Variants in PRG4 observed in about 807,000 individuals in gnomAD.
The protein encoded by PRG4 is proteoglycan 4.
Under a neutral mutation model 91.2 loss-of-function variants are expected in PRG4, and 61 were observed. The ratio of observed to expected loss-of-function variants is 0.67; its 90% confidence interval spans 0.54 to 0.83. The LOEUF (loss-of-function observed/expected upper bound fraction) is 0.83. Ranked by LOEUF, PRG4 falls within the 40% of genes least tolerant of loss-of-function variation. The pLI, the probability that PRG4 is intolerant of heterozygous loss-of-function variation, is 0.00. For missense variants in PRG4, 1,564 were observed against 1,714.2 expected (o/e 0.91, Z 1.55); for synonymous variants, 576 against 614.2 (o/e 0.94, Z 0.92).
Position 186,312,200 on chromosome 1 carries a change from T to C in PRG4, c.3819T>C (p.Tyr1273=), listed in dbSNP as rs1657304800. The part of the protein sequence containing the change: ...KRGGSIQQYI[Y]KQEPVQKCPG... ...GTGGCAGCATTCAGCAGTATATTTA[T>C]AAACAGGAACCTGTACAGAAGTGCC... Residue 1273 remains tyrosine (Y), a synonymous_variant, in exon 11 of 13, where the codon TAT becomes TAC. Transcript: ENST00000445192. 2 of 1,614,006 alleles carry C rather than the reference T, an allele frequency of 1.2e-6. No individual in the cohort carries two copies. The highest frequency in any genetic ancestry group is 1.7e-6 in the Non-Finnish European group (2 of 1,179,922).
At chr1:186,310,908 C>A in intron 8 of PRG4, 126 bp from the exon 9 acceptor site, 2 of 1,040,268 alleles carry the variant, frequency 1.9e-6, no homozygotes, top group South Asian at 1.4e-5. Flanking sequence ...CAAATACTAC[C>A]TTTTGTATCT....
Position 186,311,329 on chromosome 1 carries a change from A to G in PRG4, c.3637-111A>G. The G allele has an allele frequency of 2.1e-6, 3 of 1,435,864 alleles. 1 individual carries two copies. The South Asian group carries it at 3.5e-5, about 17-fold the overall frequency. 88.9% of individuals were successfully genotyped at this position (1,435,864 alleles called of 1,614,324 possible). A position where few individuals can be genotyped will look rare whatever the true frequency, so the allele number is the denominator to read the frequency against. On this transcript the variant is annotated intron_variant, in intron 9 of 12. Coordinates refer to ENST00000445192, the MANE Select transcript of PRG4 (RefSeq NM_005807.6). ...CAGTTTGATAACAGTAATGGTCAAA[A>G]TTCAACCGTTTAACCAAGTTAACAC...
Position 186,308,558 on chromosome 1 carries a change from A to G in PRG4, c.2839A>G (p.Lys947Glu), listed in dbSNP as rs199605402. ...AAAAGAGACAGCAACTACAACAGAA[A>G]AAACTACCGAATCCAAAATAACAGC... The part of the protein sequence containing the change: ...MTKETATTTE[K>E]TTESKITATT... Residue 947 changes from lysine to glutamate, a missense_variant, in exon 7 of 13, where the codon AAA becomes GAA. Physicochemically the swap from Lys to Glu is moderately conservative, Grantham distance 56 (BLOSUM62 1). Around this residue, in one of 3 missense-constraint regions of PRG4, gnomAD observed 1,079 missense variants for 1,162.2 expected, o/e 0.93. Coordinates refer to ENST00000445192, the MANE Select transcript of PRG4 (RefSeq NM_005807.6). The G allele has an allele frequency of 6.4e-5, 104 of 1,613,684 alleles. 3 individuals carry two copies. In the African/African-American group the frequency reaches 9.2e-4, roughly 14 times the overall value.
Position 186,304,808 on chromosome 1 carries a change from GA to G in PRG4, c.488del (p.Asn163IlefsTer38). 1 of 1,611,936 alleles carries G rather than the reference GA, an allele frequency of 6.2e-7. No individual in the cohort carries two copies. Among genetic ancestry groups the G allele is most frequent in the Non-Finnish European group, 8.5e-7 (1 of 1,178,292 alleles). ...EEITEEHSVS[E>X]NQESSSSSSS... ...TTGATTTATAGAACATTCTGTTTCT[GA>G]AAATCAAGAGTCCTCCTCCTCCTCC... On this transcript the variant is annotated frameshift_variant, in exon 6 of 13. Transcript: ENST00000445192. LOFTEE classifies it high-confidence loss of function.
rs745437002 is a variant in PRG4, at chr1:186,301,686, C to T, written c.294C>T (p.Pro98=). The T allele has an allele frequency of 9.8e-5, 158 of 1,613,490 alleles. 2 individuals are homozygous for T. The East Asian group carries it at 3.3e-3, about 33-fold the overall frequency. ...GTAAGAAGTATGACAAGTGCTGTCC[C>T]GATTATGAGAGTTTCTGTGCAGAAG... ...AQCKKYDKCC[P]DYESFCAEVH... The change falls in exon 4 of 13, where the codon CCC becomes CCT. Residue 98 remains proline (P), a synonymous_variant. Coordinates refer to ENST00000445192, the MANE Select transcript of PRG4 (RefSeq NM_005807.6).
intron 2 of PRG4, 23 bp from the exon 3 acceptor site, chr1:186,300,068 A>C: frequency 6.2e-7 from 1 of 1,613,736 alleles, no homozygotes; most frequent in Non-Finnish European, 8.5e-7. Context: ...GGCCATATTT[A>C]CGCCAGTATT....
In PRG4 at chr1:186,306,673, T is replaced by C; in HGVS notation, c.954T>C (p.Ala318=). Residue 318 remains alanine, a synonymous_variant, in exon 7 of 13, where the codon GCT becomes GCC. Coordinates refer to ENST00000445192, the MANE Select transcript of PRG4 (RefSeq NM_005807.6). ...KETQSIEKTS[A]KDLAPTSKVL... ...CACAAAGTATAGAGAAAACATCTGC[T>C]AAAGATTTAGCACCCACATCTAAAG... The C allele has an allele frequency of 6.2e-7, 1 of 1,613,696 alleles. No homozygotes were observed. Among genetic ancestry groups the C allele is most frequent in the South Asian group, 1.1e-5 (1 of 91,088 alleles).
chr1:186,304,185 A>G lies in PRG4; in HGVS notation c.397A>G (p.Thr133Ala). ...AGCATCTCAAACCATCAAATCAACA[A>G]CCAAACGTTCACCCAAACCACCAAA... ...SGASQTIKSTTKRSPKPPNKK... is the reference protein window; with the variant it reads ...SGASQTIKSTAKRSPKPPNKK... Residue 133 changes from threonine (T) to alanine (A), a missense_variant, in exon 5 of 13, where the codon ACC becomes GCC. Around this residue, in one of 3 missense-constraint regions of PRG4, gnomAD observed 437 missense variants for 459.0 expected, o/e 0.95. Transcript: ENST00000445192. 1 of 1,613,788 alleles carries G rather than the reference A, an allele frequency of 6.2e-7. No individual in the cohort carries two copies. The highest frequency in any genetic ancestry group is 8.5e-7 in the Non-Finnish European group (1 of 1,179,662).
At chr1:186,298,882 T>C (rs1388679842) in intron 2 of PRG4, among the ~76,000 whole-genome samples, 6 of 152,004 alleles carry the variant, frequency 3.9e-5, no homozygotes, top group African/African-American at 1.4e-4. Context: ...ATATATAATA[T>C]ATGTATTTAT....
chr1:186,309,086 GATT>G lies in PRG4; in HGVS notation c.3369_3371del (p.Tyr1124del). ...CATGCCTGAAGTTACTCCCGACATG[GATT>G]ACTTACCGAGAGTACCCAATCAAGG... On this transcript the variant is annotated inframe_deletion, in exon 7 of 13. Coordinates refer to ENST00000445192, the MANE Select transcript of PRG4 (RefSeq NM_005807.6). 6.2e-7 allele frequency: 1 copy of G among 1,613,920 alleles called. No individual in the cohort carries two copies. Among genetic ancestry groups the G allele is most frequent in the Non-Finnish European group, 8.5e-7 (1 of 1,179,934 alleles).
At chr1:186,309,971 G>A in intron 8 of PRG4, 101 bp downstream of exon 8, 1 of 940,934 alleles carries the variant, frequency 1.1e-6, no homozygotes, top group Non-Finnish European at 1.7e-6. Context: ...TTTTCTGGAG[G>A]GGAATCTGAT....
At position 186,307,718 on chromosome 1, in the gene PRG4, A is replaced by C; in HGVS notation, c.1999A>C (p.Thr667Pro). 1 of 1,603,444 alleles carries C rather than the reference A, an allele frequency of 6.2e-7. No homozygotes were observed. The highest frequency in any genetic ancestry group is 8.5e-7 in the Non-Finnish European group (1 of 1,177,910). ...TPTTPEEPAP[T>P]TPKAAAPNTP... is the part of the protein sequence containing the mutation. ...CACCACCCCTGAGGAGCCTGCTCCCACCACTCCCAAGGCAGCGGCTCCCAA... is the reference window on the plus strand; with the variant it reads ...CACCACCCCTGAGGAGCCTGCTCCCCCCACTCCCAAGGCAGCGGCTCCCAA... The change falls in exon 7 of 13, where the codon ACC becomes CCC. Residue 667 changes from threonine to proline, a missense_variant. Thr to Pro is a conservative substitution (Grantham distance 38). Coordinates refer to ENST00000445192, the MANE Select transcript of PRG4 (RefSeq NM_005807.6).
In PRG4 at chr1:186,301,300, G is replaced by A. The variant is rs75252624; in HGVS notation, c.200-292G>A. Among the ~76,000 whole-genome samples the A allele has an allele frequency of 7.0e-3, 1,065 of 152,252 alleles. 22 individuals are homozygous for A. The highest frequency in any genetic ancestry group is 0.025 in the African/African-American group (1,026 of 41,534). ...CTATCTCACTATCTAGACATTTCCC[G>A]ATTTTTCTTTGTCCATACATGTAAA... On this transcript the variant is annotated intron_variant, in intron 3 of 12. Transcript: ENST00000445192.
At chr1:186,311,713 T>TCA in intron 10 of PRG4, 117 bp downstream of exon 10, 2 of 1,157,056 alleles carry the variant, frequency 1.7e-6, no homozygotes, top group Non-Finnish European at 2.5e-6. Context: ...TCAAATATTT[T>TCA]CAGTGAAAAA....
Position 186,306,327 on chromosome 1 carries a change from A to G in PRG4, c.608A>G (p.Asn203Ser), listed in dbSNP as rs1656554712. 2.5e-6 allele frequency: 4 copies of G among 1,586,254 alleles called. No individual in the cohort carries two copies. Among genetic ancestry groups the G allele is most frequent in the Non-Finnish European group, 3.4e-6 (4 of 1,169,766 alleles). ...ELQKKLKVKDNKKNRTKKKPT... is the reference protein window; with the variant it reads ...ELQKKLKVKDSKKNRTKKKPT... ...TATATTTTTTCTCCAGTAAAAGATAACAAGAAGAACAGAACTAAAAAGAAA... is the reference window on the plus strand; with the variant it reads ...TATATTTTTTCTCCAGTAAAAGATAGCAAGAAGAACAGAACTAAAAAGAAA... The change falls in exon 7 of 13, where the codon AAC becomes AGC. Residue 203 changes from asparagine to serine, a missense_variant. Around this residue, in one of 3 missense-constraint regions of PRG4, gnomAD observed 437 missense variants for 459.0 expected, o/e 0.95. Transcript: ENST00000445192.
At position 186,313,723 on chromosome 1, in the gene PRG4, C is replaced by T. The variant is rs1180439087; in HGVS notation, c.4160C>T (p.Ala1387Val). 1 of 1,609,924 alleles carries T rather than the reference C, an allele frequency of 6.2e-7. No homozygotes were observed. The highest frequency in any genetic ancestry group is 8.5e-7 in the Non-Finnish European group (1 of 1,176,488). ...GATGTGCCTAGTAGAACAGCAAGAGCAATTACTACTCGTTCTGGGCAGACC... is the reference window on the plus strand; with the variant it reads ...GATGTGCCTAGTAGAACAGCAAGAGTAATTACTACTCGTTCTGGGCAGACC... ...NIDVPSRTAR[A>V]ITTRSGQTLS... is the part of the protein sequence containing the mutation. Residue 1387 changes from alanine (A) to valine (V), a missense_variant, in exon 13 of 13, where the codon GCA (alanine) becomes GTA (valine). By Grantham distance (64) the Ala-to-Val change is moderately conservative. Transcript: ENST00000445192.
rs148772009 is a variant in PRG4, at chr1:186,305,440, A to G, written c.598+518A>G. Among the ~76,000 whole-genome samples, 40 of 152,292 alleles carry G rather than the reference A, an allele frequency of 2.6e-4. No individual in the cohort carries two copies. The East Asian group carries it at 7.7e-3, about 29-fold the overall frequency. ...ATATCTGGCTGACTTTTCCTCTAGTAGAGACTGTGCTACAGAATAGGCTAT... is the reference window on the plus strand; with the variant it reads ...ATATCTGGCTGACTTTTCCTCTAGTGGAGACTGTGCTACAGAATAGGCTAT... On this transcript the variant is annotated intron_variant, in intron 6 of 12. Transcript: ENST00000445192.
intron 3 of PRG4, 91 bp downstream of exon 3, chr1:186,300,304 A>G: frequency 1.9e-6 from 3 of 1,550,844 alleles, no homozygotes; most frequent in Non-Finnish European, 2.7e-6. Flanking sequence ...TGTGAGACTG[A>G]GCCTCCCCTT....
chr1:186,296,828 CTTTTA>C lies in PRG4; in HGVS notation c.-30-8_-30-4del, dbSNP rs769070129. The C allele has an allele frequency of 6.2e-6, 9 of 1,440,122 alleles. No homozygotes were observed. The highest frequency in any genetic ancestry group is 3.4e-5 in the Admixed American group (2 of 59,494). 89.2% of individuals were successfully genotyped at this position (1,440,122 alleles called of 1,614,324 possible). ...GAGATGAAAGAGCTGTTTTCTGATA[CTTTTA>C]TTTTATTTTCAGCAAGGGTACCTAC... On this transcript the variant is annotated splice_polypyrimidine_tract_variant and intron_variant, in intron 1 of 12. Transcript: ENST00000445192.
Sources: gnomAD v4.1 joint callset for allele counts (sites outside exome capture counted in the v4.1 genomes callset) on GRCh38, gnomAD v4.1.1 for gene constraint, gnomAD v4.1.1 regional missense constraint, MANE v1.5 for transcripts, NCBI Gene and HGNC (gene_info 2026-07-23, HGNC 2026-07-21) for gene names.